Variants in CTNNA2 observed in about 807,000 individuals in gnomAD.
The protein encoded by CTNNA2 is catenin alpha-2.
CTNNA2 carries 42 observed loss-of-function variants against 101.0 expected under a neutral mutation model. The ratio of observed to expected loss-of-function variants is 0.42; its 90% CI spans 0.32 to 0.54. The LOEUF is 0.54. CTNNA2 is among the 20% of genes least tolerant of loss of function. The pLI, the probability that CTNNA2 is intolerant of heterozygous loss-of-function variation, is 0.14. For synonymous variants in CTNNA2, 450 were observed against 456.4 expected (o/e 0.99, Z 0.18); for missense variants, 871 against 1,223.1 (o/e 0.71, Z 4.29).
chr2:79,529,130 G>A (rs745904257), intron 1 of CTNNA2, among the ~76,000 whole-genome samples: 41 of 152,156 alleles, frequency 2.7e-4, no homozygotes, highest in Non-Finnish European at 5.7e-4. Context: ...AAAGCATGAA[G>A]GTAGGAATGT....
chr2:80,295,595 G>T (rs1312491767), intron 7 of CTNNA2, among the ~76,000 whole-genome samples: 1 of 152,082 alleles, frequency 6.6e-6, no homozygotes, highest in African/African-American at 2.4e-5. Context: ...TTTTATTGTG[G>T]GGAAAAAATG....
intron 2 of CTNNA2, among the ~76,000 whole-genome samples, chr2:79,249,875 G>T (rs1300834213): frequency 1.3e-5 from 2 of 152,066 alleles, no homozygotes; most frequent in Non-Finnish European, 2.9e-5. Context: ...ACTAACTTTT[G>T]CCATTACTTT....
chr2:80,499,511 A>G (rs749218667), intron 9 of CTNNA2, among the ~76,000 whole-genome samples: 5 of 151,544 alleles, frequency 3.3e-5, no homozygotes, highest in Non-Finnish European at 7.4e-5. Flanking sequence ...TTTTTAAAGG[A>G]GCTATAGCTA....
At chr2:80,208,719 G>A (rs1379809850) in intron 7 of CTNNA2, among the ~76,000 whole-genome samples, 2 of 152,284 alleles carry the variant, frequency 1.3e-5, no homozygotes, top group South Asian at 2.1e-4. Context: ...ATCGTGGGCA[G>A]TATCTCTAAA....
Position 80,452,539 on chromosome 2 carries a change from G to A in CTNNA2, c.1290+32938G>A, listed in dbSNP as rs192635965. The stretch of plus-strand genomic sequence containing the variant: ...GGGAGAGGTCCTCTGGGCAGCTGTC[G>A]GTGTTCTAACGCCGCTGACAAACTG... On this transcript the variant is annotated intron_variant, in intron 9 of 18. Transcript: ENST00000402739. Among the ~76,000 whole-genome samples the A allele has an allele frequency of 3.3e-3, 507 of 151,618 alleles. 2 individuals are homozygous for A. Among genetic ancestry groups the A allele is most frequent in the Non-Finnish European group, 5.3e-3 (362 of 68,026 alleles).
At chr2:80,352,661 G>A (rs929641924) in intron 7 of CTNNA2, among the ~76,000 whole-genome samples, 2 of 152,106 alleles carry the variant, frequency 1.3e-5, no homozygotes, top group Non-Finnish European at 2.9e-5. Context: ...CTTAGGGCAT[G>A]ATTTATTATT....
chr2:80,520,298 C>T (rs559058537), intron 9 of CTNNA2, among the ~76,000 whole-genome samples: 1 of 151,778 alleles, frequency 6.6e-6, no homozygotes, highest in East Asian at 1.9e-4. Flanking sequence ...GTGGCCTGTG[C>T]CATCCCCTTT....
chr2:80,557,176 CAGACTT>C (rs1324791083), intron 12 of CTNNA2, among the ~76,000 whole-genome samples: 12 of 152,234 alleles, frequency 7.9e-5, no homozygotes, highest in African/African-American at 2.6e-4. Flanking sequence ...AACATCCTTA[CAGACTT>C]AGACTTAGAC....
chr2:80,417,981 T>C (rs1248909764), intron 8 of CTNNA2, among the ~76,000 whole-genome samples: 1 of 152,182 alleles, frequency 6.6e-6, no homozygotes, highest in African/African-American at 2.4e-5. Context: ...GTTTGTCTAA[T>C]TGTTGAGATA....
rs140628271 is a variant in CTNNA2, at chr2:80,568,985, G to A, written c.1742-5178G>A. Reference sequence around the variant, plus strand: ...ATAGGGAATCATTGGAATACTTAAAGCAGGGGTAAGGACCTTTTATATACC... The same window carrying A: ...ATAGGGAATCATTGGAATACTTAAAACAGGGGTAAGGACCTTTTATATACC... On this transcript the variant is annotated intron_variant, in intron 12 of 18. Transcript: ENST00000402739. Among the ~76,000 whole-genome samples the A allele has an allele frequency of 4.4e-3, 666 of 152,288 alleles. 2 individuals are homozygous for A. The highest frequency in any genetic ancestry group is 0.015 in the African/African-American group (617 of 41,556).
Position 80,303,844 on chromosome 2 carries a change from T to C in CTNNA2, c.1057-89367T>C. On this transcript the variant is annotated intron_variant, in intron 7 of 18. Transcript: ENST00000402739. This position sits in a 1 kb window ranked among gnomAD's most constrained non-coding sequence, Gnocchi z 7.7. ...TTAGCGAGAATCTTTCCAGAGAGAC[T>C]GGAGAATGTCCATTGGAAGCGCTCG... 1 of 1,491,582 alleles carries C rather than the reference T, an allele frequency of 6.7e-7. No homozygotes were observed. The highest frequency in any genetic ancestry group is 8.9e-7 in the Non-Finnish European group (1 of 1,119,818). The allele number at this position is 1,491,582 out of a possible 1,614,324, so 92.4% of individuals were successfully genotyped here.
At chr2:79,598,324 C>A (rs1188607231) in intron 1 of CTNNA2, among the ~76,000 whole-genome samples, 1 of 152,190 alleles carries the variant, frequency 6.6e-6, no homozygotes, top group Non-Finnish European at 1.5e-5. Context: ...TGAGTAAACA[C>A]CACAGAGCAT....
chr2:79,395,851 G>A (rs1440345384), intron 4 of CTNNA2, among the ~76,000 whole-genome samples: 1 of 152,066 alleles, frequency 6.6e-6, no homozygotes, highest in East Asian at 1.9e-4. Context: ...CACCCAGGCT[G>A]GAGTGCTGTC....
Position 79,907,518 on chromosome 2 carries a change from CTTT to C in CTNNA2, c.853-2075_853-2073del, listed in dbSNP as rs563067609. ...AGGAATATCTGTGCTCCCCTCTCAG[CTTT>C]CCTTTGGGACTTTCACCTGTAATAA... is the stretch of plus-strand genomic sequence containing the variant. On this transcript the variant is annotated intron_variant, in intron 6 of 18. Transcript: ENST00000402739. Among the ~76,000 whole-genome samples the C allele has an allele frequency of 5.8e-3, 890 of 152,274 alleles. 5 individuals are homozygous for C. The highest frequency in any genetic ancestry group is 8.3e-3 in the Non-Finnish European group (566 of 68,014).
At chr2:80,080,196 G>A (rs886649160) in intron 7 of CTNNA2, among the ~76,000 whole-genome samples, 1 of 152,166 alleles carries the variant, frequency 6.6e-6, no homozygotes, top group African/African-American at 2.4e-5. Flanking sequence ...TTAATTTGGA[G>A]TGGGAAGAAC....
At chr2:80,522,308 A>C (rs1420484313) in intron 9 of CTNNA2, among the ~76,000 whole-genome samples, 1 of 152,200 alleles carries the variant, frequency 6.6e-6, no homozygotes, top group East Asian at 1.9e-4. Context: ...CTGTAGCAAG[A>C]GGATGGGAGC....
intron 7 of CTNNA2, among the ~76,000 whole-genome samples, chr2:79,940,516 A>C (rs1688085046): frequency 6.6e-6 from 1 of 152,182 alleles, no homozygotes; most frequent in African/African-American, 2.4e-5. Context: ...TCTGCCTAGC[A>C]ACCTGAAAAA....
At chr2:80,490,301 C>A (rs115052291) in intron 9 of CTNNA2, among the ~76,000 whole-genome samples, 2,341 of 113,732 alleles carry the variant, frequency 0.021, 33 homozygotes, top group Middle Eastern at 0.074. Context: ...GGTAAAGCAC[C>A]AGATAGTAAA....
chr2:79,807,166 G>A (rs1676644702), intron 3 of CTNNA2, among the ~76,000 whole-genome samples: 1 of 151,782 alleles, frequency 6.6e-6, no homozygotes, highest in African/African-American at 2.4e-5. Context: ...ATATATTTTT[G>A]GTTTGCTCAT....
Sources: allele counts gnomAD v4.1 joint callset (sites outside exome capture counted in the v4.1 genomes callset), GRCh38; gene constraint gnomAD v4.1.1; non-coding constraint Gnocchi (gnomAD v3.1); transcripts MANE v1.5; gene names NCBI Gene and HGNC (gene_info 2026-07-23, HGNC 2026-07-21).